Variants in ZNF804B observed in about 807,000 individuals in gnomAD.
ZNF804B encodes zinc finger 804B.
Under a neutral mutation model 101.4 loss-of-function variants are expected in ZNF804B, and 80 were observed. The ratio of observed to expected loss-of-function variants is 0.79; its 90% CI spans 0.66 to 0.95. The LOEUF (loss-of-function observed/expected upper bound fraction) is 0.95. Ranked by LOEUF, ZNF804B falls within the 40% of genes least tolerant of loss-of-function variation. The pLI is 0.00. For synonymous variants in ZNF804B, 622 were observed against 558.8 expected, an observed-to-expected ratio of 1.11 and a Z score of -1.59; for missense variants, 1,673 against 1,561.9, an observed-to-expected ratio of 1.07 and a Z score of -1.20.
At chr7:89,309,896 T>C (rs1305727198) in intron 2 of ZNF804B, among the ~76,000 whole-genome samples, 2 of 150,570 alleles carry the variant, frequency 1.3e-5, no homozygotes, top group Non-Finnish European at 3.0e-5. Context: ...ACTTAATCAA[T>C]GTCCATTCCA....
At chr7:89,016,512 A>G (rs12670989) in intron 1 of ZNF804B, among the ~76,000 whole-genome samples, 43 of 150,884 alleles carry the variant, frequency 2.8e-4, no homozygotes, top group African/African-American at 9.3e-4. Context: ...ATTAATTTTT[A>G]TATAAGGTGT....
At chr7:89,109,989 G>GA (rs113627384) in intron 1 of ZNF804B, among the ~76,000 whole-genome samples, 4 of 151,794 alleles carry the variant, frequency 2.6e-5, no homozygotes, top group Admixed American at 6.6e-5. Context: ...GCAGTTGAGG[G>GA]AAAAAAAAGA....
At chr7:88,990,699 G>C (rs538610286) in intron 1 of ZNF804B, among the ~76,000 whole-genome samples, 1 of 152,156 alleles carries the variant, frequency 6.6e-6, no homozygotes, top group South Asian at 2.1e-4. Context: ...GAATTTTCTA[G>C]TGAGAGTGAG....
chr7:89,217,077 T>C (rs1788907236), intron 1 of ZNF804B, among the ~76,000 whole-genome samples: 1 of 152,178 alleles, frequency 6.6e-6, no homozygotes, highest in Admixed American at 6.5e-5. Flanking sequence ...TTTAGTATTG[T>C]GTAACAAAAA....
At chr7:89,277,002 G>T (rs1789990992) in intron 2 of ZNF804B, among the ~76,000 whole-genome samples, 1 of 151,202 alleles carries the variant, frequency 6.6e-6, no homozygotes, top group East Asian at 1.9e-4. Flanking sequence ...TCTGGAATTT[G>T]CTAGCATTAG....
intron 1 of ZNF804B, among the ~76,000 whole-genome samples, chr7:88,957,926 G>GTA (rs1348913450): frequency 3.3e-5 from 5 of 151,082 alleles, no homozygotes; most frequent in Admixed American, 6.6e-5. Flanking sequence ...GCATATGTGT[G>GTA]TGTGTGTGTA....
chr7:88,890,379 A>G (rs996255794), intron 1 of ZNF804B, among the ~76,000 whole-genome samples: 9 of 152,180 alleles, frequency 5.9e-5, no homozygotes, highest in African/African-American at 7.2e-5. Context: ...TTGCATATCA[A>G]TTGAGTACAT....
chr7:88,800,921 C>T (rs969763670), intron 1 of ZNF804B, among the ~76,000 whole-genome samples: 1 of 151,796 alleles, frequency 6.6e-6, no homozygotes, highest in Middle Eastern at 3.2e-3. Flanking sequence ...AAAGTGAGAC[C>T]CAAGAATTTG....
intron 1 of ZNF804B, among the ~76,000 whole-genome samples, chr7:88,846,859 A>G (rs1562810360): frequency 1.3e-5 from 2 of 151,816 alleles, no homozygotes; most frequent in African/African-American, 2.4e-5. Flanking sequence ...ATATGTATAT[A>G]TTAGTGTATA....
intron 1 of ZNF804B, among the ~76,000 whole-genome samples, chr7:88,819,016 A>G (rs760310763): frequency 1.3e-5 from 2 of 152,232 alleles, no homozygotes; most frequent in African/African-American, 2.4e-5. Context: ...TCAGAAAAAT[A>G]CAGATTATTT....
intron 2 of ZNF804B, among the ~76,000 whole-genome samples, chr7:89,241,014 A>G (rs1480743742): frequency 6.6e-6 from 1 of 152,002 alleles, no homozygotes; most frequent in Non-Finnish European, 1.5e-5. Flanking sequence ...TGTATTACTC[A>G]AGCCTTTCAA....
intron 1 of ZNF804B, among the ~76,000 whole-genome samples, chr7:89,207,820 A>G (rs1788737390): frequency 1.3e-5 from 2 of 152,170 alleles, no homozygotes; most frequent in African/African-American, 4.8e-5. Context: ...TCTTTAATAG[A>G]CATTTGGTAA....
chr7:88,909,613 T>A (rs1792519854), intron 1 of ZNF804B, among the ~76,000 whole-genome samples: 1 of 151,916 alleles, frequency 6.6e-6, no homozygotes, highest in African/African-American at 2.4e-5. Context: ...CTTGTTCAAC[T>A]TTCTCTAATT....
At chr7:89,277,751 T>G (rs1370377499) in intron 2 of ZNF804B, among the ~76,000 whole-genome samples, 18 of 151,998 alleles carry the variant, frequency 1.2e-4, no homozygotes, top group African/African-American at 4.1e-4. Flanking sequence ...ATCTATCATT[T>G]TTGGACATTT....
intron 2 of ZNF804B, among the ~76,000 whole-genome samples, chr7:89,249,514 A>G (rs1789507992): frequency 6.6e-6 from 1 of 152,180 alleles, no homozygotes; most frequent in East Asian, 1.9e-4. Context: ...GAAATTAAAC[A>G]CCTTGCTACT....
chr7:89,212,424 C>A (rs549915926), intron 1 of ZNF804B, among the ~76,000 whole-genome samples: 1 of 152,198 alleles, frequency 6.6e-6, no homozygotes, highest in African/African-American at 2.4e-5. Context: ...AGTTTGATAA[C>A]ATGTATACCT....
chr7:89,150,111 T>C (rs958103085), intron 1 of ZNF804B, among the ~76,000 whole-genome samples: 1 of 152,008 alleles, frequency 6.6e-6, no homozygotes, highest in South Asian at 2.1e-4. Flanking sequence ...AAATCCTGCA[T>C]TGTCCCACTC....
intron 1 of ZNF804B, among the ~76,000 whole-genome samples, chr7:88,806,227 A>C (rs1279715208): frequency 6.6e-6 from 1 of 152,198 alleles, no homozygotes; most frequent in Non-Finnish European, 1.5e-5. Context: ...TCTCAAAATC[A>C]TATAATTAGT....
At chr7:89,058,259 A>G (rs2116277191) in intron 1 of ZNF804B, among the ~76,000 whole-genome samples, 1 of 152,254 alleles carries the variant, frequency 6.6e-6, no homozygotes, top group Admixed American at 6.5e-5. Flanking sequence ...GTATGGTGAA[A>G]GTTAATGATT....
Sources: gnomAD v4.1 joint callset for allele counts (sites outside exome capture counted in the v4.1 genomes callset) on GRCh38, gnomAD v4.1.1 for gene constraint, MANE v1.5 for transcripts, NCBI Gene and HGNC (gene_info 2026-07-23, HGNC 2026-07-21) for gene names.